Variants in FGGY observed in about 807,000 individuals in gnomAD.
FGGY encodes the protein FGGY carbohydrate kinase domain containing.
FGGY carries 72 observed loss-of-function variants against 71.3 expected under a neutral mutation model. That is an observed-to-expected ratio of 1.01 (90% CI 0.84 to 1.23). The LOEUF is 1.23. Ranked by LOEUF, FGGY falls within the 50% of genes most tolerant of loss-of-function variation. The pLI, the probability that FGGY is intolerant of heterozygous loss-of-function variation, is 0.00. For synonymous variants in FGGY, 251 were observed against 250.3 expected (o/e 1.00, Z -0.02); for missense variants, 668 against 682.3 (o/e 0.98, Z 0.23).
intron 1 of FGGY, among the ~76,000 whole-genome samples, chr1:59,317,354 C>G (rs944636074): frequency 4.6e-5 from 7 of 152,144 alleles, no homozygotes; most frequent in Admixed American, 3.9e-4. Flanking sequence ...CTCCACCCTT[C>G]TGAGGTATAA....
intron 14 of FGGY, among the ~76,000 whole-genome samples, chr1:59,749,228 C>T (rs970309584): frequency 4.1e-4 from 62 of 152,200 alleles, no homozygotes; most frequent in African/African-American, 1.0e-3. Flanking sequence ...GTAAGTCAAC[C>T]GTTGTCTTGA....
intron 1 of FGGY, among the ~76,000 whole-genome samples, chr1:59,305,757 T>G (rs899729638): frequency 6.6e-6 from 1 of 152,220 alleles, no homozygotes; most frequent in Non-Finnish European, 1.5e-5. Context: ...GCCCACTGAT[T>G]TGTTCTCTCT....
At chr1:59,694,280 C>A (rs527943841) in intron 14 of FGGY, among the ~76,000 whole-genome samples, 244 of 146,940 alleles carry the variant, frequency 1.7e-3, no homozygotes, top group Middle Eastern at 6.9e-3. Flanking sequence ...CAAAGCAAGA[C>A]TCCGTCTTAA....
Position 59,466,562 on chromosome 1 carries a change from A to G in FGGY, c.670+9486A>G, listed in dbSNP as rs551240832. On this transcript the variant is annotated intron_variant, in intron 6 of 15. Transcript: ENST00000303721. ...GCAAAAGAAACTACCATCAGAGTGA[A>G]CAGGCAACCTACAGAATGGGAGAAA... Among the ~76,000 whole-genome samples, 96 of 152,350 alleles carry G rather than the reference A, an allele frequency of 6.3e-4. 1 individual carries two copies. The highest frequency in any genetic ancestry group is 6.8e-3 in the Middle Eastern group (2 of 294).
chr1:59,606,680 T>C (rs1372689469), intron 8 of FGGY, among the ~76,000 whole-genome samples: 1 of 152,226 alleles, frequency 6.6e-6, no homozygotes, highest in African/African-American at 2.4e-5. Context: ...TTTTATGCTT[T>C]GTTTATAATG....
At chr1:59,584,371 A>C (rs2096247763) in intron 8 of FGGY, among the ~76,000 whole-genome samples, 1 of 150,108 alleles carries the variant, frequency 6.7e-6, no homozygotes, top group Non-Finnish European at 1.5e-5. Context: ...CAGCATACAC[A>C]AATCAATAAA....
intron 14 of FGGY, among the ~76,000 whole-genome samples, chr1:59,723,698 T>C (rs1304172140): frequency 6.6e-6 from 1 of 152,178 alleles, no homozygotes; most frequent in Admixed American, 6.5e-5. Context: ...ACAGTTACAT[T>C]GTTTTTGACA....
chr1:59,360,119 CTATCATTGTTATTATTAT>C (rs1487523425), intron 4 of FGGY, among the ~76,000 whole-genome samples: 2 of 112,466 alleles, frequency 1.8e-5, no homozygotes, highest in African/African-American at 6.4e-5. Flanking sequence ...CTTTATTTTT[CTATCATTGTTATTATTAT>C]TATTATTATT....
chr1:59,598,371 G>A (rs1185177128), intron 8 of FGGY, among the ~76,000 whole-genome samples: 2 of 152,188 alleles, frequency 1.3e-5, no homozygotes, highest in African/African-American at 2.4e-5. Context: ...ATAAATGAAT[G>A]AGAAACATAT....
chr1:59,757,915 G>T lies in FGGY; in HGVS notation c.1513-16G>T. Reference sequence around the variant, plus strand: ...GCTTTCCAACTCAGCTGTCTATGTTGTTTTCCATTTAATAGGAAGCAATGG... The same window carrying T: ...GCTTTCCAACTCAGCTGTCTATGTTTTTTTCCATTTAATAGGAAGCAATGG... On this transcript the variant is annotated splice_polypyrimidine_tract_variant and intron_variant, in intron 14 of 15. Transcript: ENST00000303721. The T allele has an allele frequency of 1.2e-6, 2 of 1,606,852 alleles. No homozygotes were observed. Among genetic ancestry groups the T allele is most frequent in the East Asian group, 4.5e-5 (2 of 44,802 alleles).
intron 4 of FGGY, among the ~76,000 whole-genome samples, chr1:59,364,367 C>G (rs1209884994): frequency 6.6e-6 from 1 of 152,216 alleles, no homozygotes; most frequent in Non-Finnish European, 1.5e-5. Flanking sequence ...TAGAATATGT[C>G]TCTGCTCCTG....
rs1216341894 is a variant in FGGY, at chr1:59,535,755, G to A, written c.800-18369G>A. On this transcript the variant is annotated intron_variant, in intron 7 of 15. Transcript: ENST00000303721. ...CTACTGGGTACATAACGAAATGAAGGCAGAAATAAAGATCTTCTTTGAAAC... is the reference window on the plus strand; with the variant it reads ...CTACTGGGTACATAACGAAATGAAGACAGAAATAAAGATCTTCTTTGAAAC... Among the ~76,000 whole-genome samples the A allele has an allele frequency of 3.4e-5, 5 of 148,586 alleles. 1 individual carries two copies. Among genetic ancestry groups the A allele is most frequent in the Admixed American group, 2.0e-4 (3 of 14,838 alleles).
chr1:59,514,199 GCTTT>G (rs2094584381), intron 7 of FGGY, among the ~76,000 whole-genome samples: 1 of 152,140 alleles, frequency 6.6e-6, no homozygotes, highest in Non-Finnish European at 1.5e-5. Context: ...GGCCACAAAA[GCTTT>G]CTCTGTCATG....
chr1:59,390,960 C>T (rs2060618510), intron 5 of FGGY, among the ~76,000 whole-genome samples: 1 of 152,176 alleles, frequency 6.6e-6, no homozygotes. Flanking sequence ...TCTCCCTAAT[C>T]CAGTAATTGA....
In FGGY at chr1:59,693,900, G is replaced by A. The variant is rs138372769; in HGVS notation, c.1512+19767G>A. On this transcript the variant is annotated intron_variant, in intron 14 of 15. Coordinates refer to ENST00000303721, the MANE Select transcript of FGGY (RefSeq NM_018291.5). ...TGTATGCCTATAGTCTCAGCTACTC[G>A]GGAGGCTGAGGTGGGAGGATTGCTT... Among the ~76,000 whole-genome samples the A allele has an allele frequency of 6.6e-3, 1,002 of 152,202 alleles. 11 individuals carry two copies. Among genetic ancestry groups the A allele is most frequent in the African/African-American group, 0.023 (944 of 41,508 alleles).
intron 7 of FGGY, among the ~76,000 whole-genome samples, chr1:59,540,002 A>G (rs1158179671): frequency 6.6e-6 from 1 of 152,242 alleles, no homozygotes; most frequent in Non-Finnish European, 1.5e-5. Flanking sequence ...AATGGACAAT[A>G]AGATACGAAA....
chr1:59,471,962 C>T (rs112070724), intron 6 of FGGY, among the ~76,000 whole-genome samples: 24 of 152,368 alleles, frequency 1.6e-4, no homozygotes, highest in African/African-American at 5.1e-4. Context: ...GAAGTGACAG[C>T]GTGCTGGCAG....
intron 5 of FGGY, among the ~76,000 whole-genome samples, chr1:59,412,322 C>T (rs972865061): frequency 3.8e-5 from 4 of 106,176 alleles, no homozygotes; most frequent in Non-Finnish European, 9.2e-5. Flanking sequence ...TTCTCTCTAT[C>T]GTGGATGGTT....
At chr1:59,503,254 G>C in intron 6 of FGGY, among the ~76,000 whole-genome samples, 1 of 152,112 alleles carries the variant, frequency 6.6e-6, no homozygotes, top group East Asian at 1.9e-4. Context: ...TTTGGTGTTA[G>C]CAATGAAGGT....
Sources: allele counts gnomAD v4.1 joint callset (sites outside exome capture counted in the v4.1 genomes callset), GRCh38; gene constraint gnomAD v4.1.1; transcripts MANE v1.5; gene names NCBI Gene and HGNC (gene_info 2026-07-23, HGNC 2026-07-21).